The following ZFP2 variants were observed in gnomAD, a reference collection of about 807,000 sequenced individuals.
ZFP2 encodes the protein zinc finger protein ZFP2.
Under a neutral mutation model 36.1 loss-of-function variants are expected in ZFP2, and 33 were observed. The observed-to-expected ratio is 0.92, with a 90% CI of 0.69 to 1.22. ZFP2 has a LOEUF of 1.22. ZFP2 is among the 50% of genes most tolerant of loss of function. ZFP2 has a pLI of 0.00. For missense variants in ZFP2, 522 were observed against 551.4 expected, an observed-to-expected ratio of 0.95 and a Z score of 0.53; for synonymous variants, 170 against 178.0, an observed-to-expected ratio of 0.96 and a Z score of 0.36.
At chr5:178,913,899 C>T (rs1758360164) in intron 3 of ZFP2, 1 of 149,858 alleles carries the variant, frequency 6.7e-6, no homozygotes, top group South Asian at 2.1e-4. Flanking sequence ...CTGTGTCACC[C>T]AGGCTGGAGT....
chr5:178,899,930 G>A (rs1025202628), intron 1 of ZFP2, among the ~76,000 whole-genome samples: 2 of 152,128 alleles, frequency 1.3e-5, no homozygotes, highest in Admixed American at 6.5e-5. Flanking sequence ...AGAAAGCTTC[G>A]TGGAGGCAAG....
At chr5:178,926,803 C>T (rs1758683673) in intron 4 of ZFP2, among the ~76,000 whole-genome samples, 1 of 152,040 alleles carries the variant, frequency 6.6e-6, no homozygotes, top group Non-Finnish European at 1.5e-5. Flanking sequence ...CAGGTGTCAG[C>T]CACCACGCCC....
At chr5:178,907,874 A>C (rs1419058457) in intron 1 of ZFP2, among the ~76,000 whole-genome samples, 1 of 152,232 alleles carries the variant, frequency 6.6e-6, no homozygotes, top group Non-Finnish European at 1.5e-5. Flanking sequence ...TTCAATGCTT[A>C]AGTGGTTCTC....
At chr5:178,922,572 C>T in intron 4 of ZFP2, 1 of 1,514,712 alleles carries the variant, frequency 6.6e-7, no homozygotes, top group South Asian at 1.1e-5. Context: ...TGGCTTGGAG[C>T]ACGTCCTATT....
intron 1 of ZFP2, among the ~76,000 whole-genome samples, chr5:178,899,827 A>C (rs1041556515): frequency 6.6e-6 from 1 of 152,006 alleles, no homozygotes; most frequent in East Asian, 1.9e-4. Flanking sequence ...GGAATACTGA[A>C]GACTTAACGG....
intron 1 of ZFP2, among the ~76,000 whole-genome samples, chr5:178,906,856 C>T (rs1193852588): frequency 1.4e-5 from 2 of 146,140 alleles, no homozygotes; most frequent in Admixed American, 6.8e-5. Flanking sequence ...CCATGCCTGG[C>T]TGAGTTTTTG....
At position 178,932,672 on chromosome 5, in the gene ZFP2, T is replaced by C. The variant is rs1280588677; in HGVS notation, c.1359T>C (p.Leu453=). The change falls in exon 5 of 5, where the codon CTT becomes CTC. Residue 453 remains leucine (L), a synonymous_variant. Coordinates refer to ENST00000361362, the MANE Select transcript of ZFP2 (RefSeq NM_030613.4). The part of the protein sequence containing the change: ...CGKAFSRSTN[L]TRHQRTHT ...AAGCCTTCAGCCGGAGTACAAACCT[T>C]ACACGACATCAAAGAACTCATACGT... The C allele has an allele frequency of 6.2e-7, 1 of 1,606,004 alleles. No individual in the cohort carries two copies. Among genetic ancestry groups the C allele is most frequent in the African/African-American group, 1.3e-5 (1 of 74,464 alleles).
At chr5:178,905,606 A>T in intron 1 of ZFP2, among the ~76,000 whole-genome samples, 1 of 152,166 alleles carries the variant, frequency 6.6e-6, no homozygotes, top group East Asian at 1.9e-4. Context: ...GAAGCTCCTT[A>T]AACACTATGA....
At chr5:178,918,634 A>G (rs755087397) in intron 4 of ZFP2, among the ~76,000 whole-genome samples, 14 of 152,350 alleles carry the variant, frequency 9.2e-5, no homozygotes, top group Non-Finnish European at 1.2e-4. Flanking sequence ...GAGTGAAGGC[A>G]GAAAAAGCAT....
At chr5:178,897,045 T>TG (rs1323681926) in intron 1 of ZFP2, among the ~76,000 whole-genome samples, 1 of 151,598 alleles carries the variant, frequency 6.6e-6, no homozygotes, top group Non-Finnish European at 1.5e-5. Flanking sequence ...CTTTTTTCTT[T>TG]TTTTTTTTCA....
At chr5:178,911,418 T>G (rs772478354) in intron 1 of ZFP2, among the ~76,000 whole-genome samples, 1 of 152,140 alleles carries the variant, frequency 6.6e-6, no homozygotes, top group Non-Finnish European at 1.5e-5. Flanking sequence ...GTGCCTGCCT[T>G]TCCTGCCACC....
intron 1 of ZFP2, among the ~76,000 whole-genome samples, chr5:178,902,790 A>G (rs1758086627): frequency 6.6e-6 from 1 of 152,216 alleles, no homozygotes; most frequent in Non-Finnish European, 1.5e-5. Context: ...ACAAAAGCCC[A>G]TAAAAGTATG....
At chr5:178,920,473 C>A (rs1384710120) in intron 4 of ZFP2, among the ~76,000 whole-genome samples, 4 of 152,032 alleles carry the variant, frequency 2.6e-5, no homozygotes, top group African/African-American at 9.7e-5. Flanking sequence ...CCCGTCTTTC[C>A]TAAAAATACA....
chr5:178,898,894 T>C (rs960721467), intron 1 of ZFP2, among the ~76,000 whole-genome samples: 4 of 152,344 alleles, frequency 2.6e-5, no homozygotes, highest in Non-Finnish European at 5.9e-5. Context: ...GGAAAAAAGT[T>C]ATATGCAAGC....
At chr5:178,905,392 G>C (rs1160057679) in intron 1 of ZFP2, among the ~76,000 whole-genome samples, 1 of 152,126 alleles carries the variant, frequency 6.6e-6, no homozygotes, top group East Asian at 1.9e-4. Context: ...AAAAAATGTG[G>C]ATTGCTCAGT....
At chr5:178,915,318 C>CTTTTTTTTTTTT (rs1758396506) in intron 3 of ZFP2, among the ~76,000 whole-genome samples, 1 of 112,550 alleles carries the variant, frequency 8.9e-6, no homozygotes, top group Non-Finnish European at 1.8e-5. Context: ...AAAGGTTTTT[C>CTTTTTTTTTTTT]TTTCTTTTTT....
chr5:178,926,468 T>A (rs1758671940), intron 4 of ZFP2, among the ~76,000 whole-genome samples: 1 of 152,260 alleles, frequency 6.6e-6, no homozygotes, highest in East Asian at 1.9e-4. Flanking sequence ...CTGACCCCTG[T>A]ACAGAGGTGA....
chr5:178,930,957 C>T (rs1038544954), intron 4 of ZFP2, among the ~76,000 whole-genome samples: 1 of 152,206 alleles, frequency 6.6e-6, no homozygotes, highest in African/African-American at 2.4e-5. Context: ...AGTGCCTTCA[C>T]TGTCCATCCC....
chr5:178,927,381 C>T (rs1391036595), intron 4 of ZFP2, among the ~76,000 whole-genome samples: 1 of 152,120 alleles, frequency 6.6e-6, no homozygotes, highest in Non-Finnish European at 1.5e-5. Flanking sequence ...TGTTCTGGTA[C>T]TTTATGTTCC....
Sources: allele counts gnomAD v4.1 joint callset (sites outside exome capture counted in the v4.1 genomes callset), GRCh38; gene constraint gnomAD v4.1.1; transcripts MANE v1.5; gene names NCBI Gene and HGNC (gene_info 2026-07-23, HGNC 2026-07-21).